P4HA2: variants seen among roughly 807,000 people sequenced by gnomAD.
P4HA2 encodes prolyl 4-hydroxylase subunit alpha 2.
P4HA2 carries 46 observed loss-of-function variants against 76.9 expected under a neutral mutation model. The observed-to-expected ratio is 0.60, with a 90% confidence interval of 0.47 to 0.76. P4HA2 has a LOEUF of 0.76. P4HA2 is among the 30% of genes least tolerant of loss of function. P4HA2 has a pLI of 0.00. For synonymous variants in P4HA2, 243 were observed against 254.0 expected, an observed-to-expected ratio of 0.96 and a Z score of 0.41; for missense variants, 583 against 669.4, an observed-to-expected ratio of 0.87 and a Z score of 1.42.
At chr5:132,199,015 C>A in intron 10 of P4HA2, 83 bp from the exon 11 acceptor site, 1 of 968,658 alleles carries the variant, frequency 1.0e-6, no homozygotes, top group Non-Finnish European at 1.7e-6. Flanking sequence ...ACCATCTTCC[C>A]AGGCCTGAAA....
chr5:132,216,066 G>A (rs1029727363), intron 4 of P4HA2, among the ~76,000 whole-genome samples: 70 of 149,946 alleles, frequency 4.7e-4, no homozygotes, highest in African/African-American at 1.7e-3. Flanking sequence ...TCAGGAGGCT[G>A]AGGCAGAAGA....
intron 1 of P4HA2, among the ~76,000 whole-genome samples, chr5:132,225,554 C>T (rs1755268258): frequency 6.6e-6 from 1 of 152,238 alleles, no homozygotes; most frequent in Non-Finnish European, 1.5e-5. Context: ...GGCTCCTCCC[C>T]TGGCACATGG....
Position 132,209,335 on chromosome 5 carries a change from G to GA in P4HA2, c.710-5dup, listed in dbSNP as rs1278248785. 6.2e-7 allele frequency: 1 copy of GA among 1,610,352 alleles called. No homozygotes were observed. The highest frequency in any genetic ancestry group is 1.7e-4 in the Middle Eastern group (1 of 6,044). On this transcript the variant is annotated splice_region_variant and splice_polypyrimidine_tract_variant and intron_variant, in intron 6 of 14. Coordinates refer to ENST00000360568, the MANE Select transcript of P4HA2 (RefSeq NM_001017974.2). The stretch of plus-strand genomic sequence containing the variant: ...CCAGCTCGTTCGTGGCTTGGGTCTA[G>GA]AAAATGCAAGGAATGAGAAGGAAAA...
intron 4 of P4HA2, among the ~76,000 whole-genome samples, chr5:132,215,299 T>C (rs1208705110): frequency 6.6e-6 from 1 of 152,234 alleles, no homozygotes. Context: ...CCAATTATTC[T>C]CTGGGCCTGC....
At position 132,194,895 on chromosome 5, in the gene P4HA2, C is replaced by A. The variant is rs760261329; in HGVS notation, c.1531+31G>T. 5.4e-6 allele frequency: 8 copies of A among 1,478,944 alleles called. No homozygotes were observed. The East Asian group carries it at 1.6e-4, about 29-fold the overall frequency. The allele number at this position is 1,478,944 out of a possible 1,614,324, so 91.6% of individuals were successfully genotyped here. Reference sequence around the variant, plus strand: ...TAAGCAAAGCCCAAGCTGAGGCCACCAACACCAACACTACCCCTTAAGACA... The same window carrying A: ...TAAGCAAAGCCCAAGCTGAGGCCACAAACACCAACACTACCCCTTAAGACA... On this transcript the variant is annotated intron_variant, in intron 14 of 14. Transcript: ENST00000360568.
Position 132,193,081 on chromosome 5 carries a change from CTG to C in P4HA2, c.1532-3_1532-2del, listed in dbSNP as rs1280201179. 2 of 1,610,084 alleles carry C rather than the reference CTG, an allele frequency of 1.2e-6. No individual in the cohort carries two copies. Among genetic ancestry groups the C allele is most frequent in the Non-Finnish European group, 1.7e-6 (2 of 1,176,340 alleles). ...CGTTCATGGAACCACTTATTGGAGA[CTG>C]TGAAAAGAAAGCAAGCATGTTACAA... On this transcript the variant is annotated splice_acceptor_variant and splice_polypyrimidine_tract_variant and intron_variant, in intron 14 of 14. Coordinates refer to ENST00000360568, the MANE Select transcript of P4HA2 (RefSeq NM_001017974.2). LOFTEE classifies it high-confidence loss of function.
At chr5:132,203,510 A>T in intron 10 of P4HA2, 1 of 521,640 alleles carries the variant, frequency 1.9e-6, no homozygotes, top group Non-Finnish European at 3.5e-6. Flanking sequence ...CCTGATCCCT[A>T]GCTTGCAGCA....
In P4HA2 at chr5:132,190,152, GA is replaced by G. The variant is rs904458416; in HGVS notation, c.*2857del. On this transcript the variant is annotated 3_prime_UTR_variant, in exon 15 of 15. Coordinates refer to ENST00000360568, the MANE Select transcript of P4HA2 (RefSeq NM_001017974.2). The stretch of plus-strand genomic sequence containing the variant: ...ACAGAAGAAACAGACAATGCTGAAA[GA>G]AAAAATCATTTAATTTTCCACAATT... Among the ~76,000 whole-genome samples, 1 of 152,086 alleles carries G rather than the reference GA, an allele frequency of 6.6e-6. No individual in the cohort carries two copies. The highest frequency in any genetic ancestry group is 1.5e-5 in the Non-Finnish European group (1 of 68,006).
chr5:132,199,284 T>C (rs2126544729), intron 10 of P4HA2, among the ~76,000 whole-genome samples: 1 of 152,334 alleles, frequency 6.6e-6, no homozygotes, highest in East Asian at 1.9e-4. Flanking sequence ...CCAGTTTGTT[T>C]GGGACATATT....
chr5:132,207,007 T>A (rs1264224795), intron 8 of P4HA2, among the ~76,000 whole-genome samples: 1 of 152,214 alleles, frequency 6.6e-6, no homozygotes, highest in Non-Finnish European at 1.5e-5. Context: ...AACTGTGACA[T>A]AACACTTAAT....
At chr5:132,206,030 G>T (rs1467558538) in intron 8 of P4HA2, among the ~76,000 whole-genome samples, 1 of 152,142 alleles carries the variant, frequency 6.6e-6, no homozygotes, top group African/African-American at 2.4e-5. Flanking sequence ...GGAAAGGAGG[G>T]GTCAGCTTAT....
At chr5:132,207,384 A>G (rs935495679) in intron 8 of P4HA2, among the ~76,000 whole-genome samples, 2 of 152,186 alleles carry the variant, frequency 1.3e-5, no homozygotes, top group Admixed American at 1.3e-4. Context: ...ATAGCATCCT[A>G]TGGAACATTT....
Position 132,191,026 on chromosome 5 carries a change from A to G in P4HA2, c.*1984T>C, listed in dbSNP as rs1749863458. Among the ~76,000 whole-genome samples, 1 of 152,220 alleles carries G rather than the reference A, an allele frequency of 6.6e-6. No individual in the cohort carries two copies. The highest frequency in any genetic ancestry group is 6.5e-5 in the Admixed American group (1 of 15,290). On this transcript the variant is annotated 3_prime_UTR_variant, in exon 15 of 15. Coordinates refer to ENST00000360568, the MANE Select transcript of P4HA2 (RefSeq NM_001017974.2). The stretch of plus-strand genomic sequence containing the variant: ...GGTTATGGGAACTGGAAAGTCCGAG[A>G]TCAAGATGCTAGTAGGTTTGTTTCT...
In P4HA2 at chr5:132,198,495, T is replaced by C. The variant is rs574523125; in HGVS notation, c.1306-115A>G. 51 of 968,178 alleles carry C rather than the reference T, an allele frequency of 5.3e-5. No individual in the cohort carries two copies. In the Middle Eastern group the frequency reaches 1.6e-3, roughly 29 times the overall value. 60.0% of individuals were successfully genotyped at this position (968,178 alleles called of 1,614,324 possible). On this transcript the variant is annotated intron_variant, in intron 11 of 14. Coordinates refer to ENST00000360568, the MANE Select transcript of P4HA2 (RefSeq NM_001017974.2). ...TAAGTGTGTGTTCCATAAATCAGCC[T>C]GGAATATGTGCCAAAGCTGCAAAGT...
At position 132,209,349 on chromosome 5, in the gene P4HA2, T is replaced by A. The variant is rs375833543; in HGVS notation, c.710-18A>T. 1.2e-5 allele frequency: 19 copies of A among 1,601,888 alleles called. No individual in the cohort carries two copies. In the African/African-American group the frequency reaches 1.9e-4, roughly 16 times the overall value. The stretch of plus-strand genomic sequence containing the variant: ...GCTTGGGTCTAGAAAATGCAAGGAA[T>A]GAGAAGGAAAAGGAAACCACAAACA... On this transcript the variant is annotated intron_variant, in intron 6 of 14. Transcript: ENST00000360568.
chr5:132,225,895 G>A lies in P4HA2; in HGVS notation c.-19+1895C>T, dbSNP rs182668601. 2.2e-3 allele frequency among the ~76,000 whole-genome samples: 331 copies of A among 152,338 alleles called. 1 individual carries two copies. The highest frequency in any genetic ancestry group is 7.8e-3 in the African/African-American group (324 of 41,582). On this transcript the variant is annotated intron_variant, in intron 1 of 14. Coordinates refer to ENST00000360568, the MANE Select transcript of P4HA2 (RefSeq NM_001017974.2). ...AGAACTAGGGTGATCCAGTATGACAGCATCTTTGGGATGAGGCCCCCAGCC... is the reference window on the plus strand; with the variant it reads ...AGAACTAGGGTGATCCAGTATGACAACATCTTTGGGATGAGGCCCCCAGCC...
rs377044728 is a variant in P4HA2 at position 132,210,473 on chromosome 5, G to A, written c.520C>T (p.Arg174Cys). The change falls in exon 6 of 15, where the codon CGC becomes TGC. Residue 174 changes from arginine (R) to cysteine (C), a missense_variant. Coordinates refer to ENST00000360568, the MANE Select transcript of P4HA2 (RefSeq NM_001017974.2). ...TAGTCCCCTTCATTGTAGGCCGAGC[G>A]GCCCATCCCAAAGCAGTCATCCACA... Reference protein sequence around the residue: ...LSVDDCFGMGRSAYNEGDYYH... With the variant: ...LSVDDCFGMGCSAYNEGDYYH... The A allele has an allele frequency of 1.4e-5, 22 of 1,613,810 alleles. No individual in the cohort carries two copies. In the African/African-American group the frequency reaches 2.5e-4, roughly 19 times the overall value.
intron 10 of P4HA2, chr5:132,200,772 G>A (rs553640627): frequency 6.6e-6 from 1 of 152,342 alleles, no homozygotes; most frequent in African/African-American, 2.4e-5. Context: ...GAGCTGCAAA[G>A]TATGACTGCA....
rs200901319 is a variant in P4HA2 at position 132,193,008 on chromosome 5, T to C, written c.*2A>G. ...CAGGAAGGGGAAGGACAGAAAAGGA[T>C]GTCAGTCAACTTCTGTTGATCCACA... On this transcript the variant is annotated 3_prime_UTR_variant, in exon 15 of 15. Transcript: ENST00000360568. 2 of 1,597,084 alleles carry C rather than the reference T, an allele frequency of 1.3e-6. No homozygotes were observed. The highest frequency in any genetic ancestry group is 1.7e-6 in the Non-Finnish European group (2 of 1,164,434).
Sources: gnomAD v4.1 joint callset for allele counts (sites outside exome capture counted in the v4.1 genomes callset) on GRCh38, gnomAD v4.1.1 for gene constraint, MANE v1.5 for transcripts, NCBI Gene and HGNC (gene_info 2026-07-23, HGNC 2026-07-21) for gene names.